Variants in POLR1A observed in about 807,000 individuals in gnomAD.
POLR1A encodes RNA polymerase I subunit A.
POLR1A carries 84 observed loss-of-function variants against 205.3 expected under a neutral mutation model. That is an observed-to-expected ratio of 0.41 (90% CI 0.34 to 0.49). The LOEUF (loss-of-function observed/expected upper bound fraction) is 0.49. POLR1A is among the 20% of genes least tolerant of loss of function. The pLI is 0.22. For synonymous variants in POLR1A, 799 were observed against 863.7 expected (o/e 0.93, Z 1.31); for missense variants, 1,645 against 2,204.5 (o/e 0.75, Z 5.08).
chr2:86,083,545 A>G (rs1042918984), intron 6 of POLR1A, among the ~76,000 whole-genome samples: 2 of 152,176 alleles, frequency 1.3e-5, no homozygotes, highest in African/African-American at 4.8e-5. Flanking sequence ...CCCTTTTAGT[A>G]TCATCTCATC....
In POLR1A at chr2:86,081,052, G is replaced by A. The variant is rs372026918; in HGVS notation, c.924-74C>T. 1.0e-4 allele frequency: 140 copies of A among 1,373,314 alleles called. 1 individual carries two copies. The East Asian group carries it at 1.2e-3, about 12-fold the overall frequency. 85.1% of individuals were successfully genotyped at this position (1,373,314 alleles called of 1,614,324 possible). On this transcript the variant is annotated intron_variant, in intron 8 of 33. Transcript: ENST00000263857. ...TCATGTTCTTCAGCCTCTCACCCAT[G>A]CCTACTGTAGGGAGCACACCCCACC...
intron 1 of POLR1A, among the ~76,000 whole-genome samples, chr2:86,104,828 A>T (rs1673890230): frequency 6.6e-6 from 1 of 152,238 alleles, no homozygotes; most frequent in Non-Finnish European, 1.5e-5. Flanking sequence ...TCAATTAAAG[A>T]TGTACAGACA....
intron 6 of POLR1A, among the ~76,000 whole-genome samples, chr2:86,085,846 A>C (rs977822539): frequency 2.0e-5 from 3 of 152,206 alleles, no homozygotes; most frequent in Admixed American, 1.3e-4. Flanking sequence ...CATAGGAAAA[A>C]GGGATTCAGA....
At position 86,077,807 on chromosome 2, in the gene POLR1A, GCGCGCACACACACA is replaced by G. The variant is rs1456147660; in HGVS notation, c.1380+38_1380+51del. The G allele has an allele frequency of 5.3e-5, 53 of 1,008,448 alleles. 6 individuals are homozygous for G. Among genetic ancestry groups the G allele is most frequent in the Non-Finnish European group, 6.0e-5 (43 of 716,340 alleles). 62.5% of individuals were successfully genotyped at this position (1,008,448 alleles called of 1,614,324 possible). On this transcript the variant is annotated intron_variant, in intron 11 of 33. Transcript: ENST00000263857. Reference sequence around the variant, plus strand: ...GGGAGCAAATGAGCCCTGCACGCGCGCGCGCACACACACACACACACACACACACACACACACAC... The same window carrying G: ...GGGAGCAAATGAGCCCTGCACGCGCGCACACACACACACACACACACACAC...
chr2:86,088,968 G>A (rs1346676507), intron 4 of POLR1A, 98 bp from the exon 5 acceptor site: 21 of 810,732 alleles, frequency 2.6e-5, no homozygotes, highest in South Asian at 8.4e-5. Context: ...TTTAACCAGC[G>A]GAAACACCCC....
chr2:86,049,090 A>G (rs2104395645), intron 17 of POLR1A, 48 bp from the exon 18 acceptor site: 1 of 1,613,274 alleles, frequency 6.2e-7, no homozygotes, highest in Non-Finnish European at 8.5e-7. Context: ...AAACGACGAG[A>G]GTGTGGGTTT....
intron 16 of POLR1A, among the ~76,000 whole-genome samples, chr2:86,051,496 C>T (rs571442211): frequency 1.1e-4 from 17 of 152,340 alleles, no homozygotes; most frequent in South Asian, 8.3e-4. Flanking sequence ...ACAGGCCCTA[C>T]GCTGAGACTC....
intron 12 of POLR1A, among the ~76,000 whole-genome samples, chr2:86,073,059 A>C (rs1383286489): frequency 6.6e-6 from 1 of 152,024 alleles, no homozygotes; most frequent in Non-Finnish European, 1.5e-5. Flanking sequence ...CAGAAAATAC[A>C]CAAACTAGCC....
intron 12 of POLR1A, among the ~76,000 whole-genome samples, chr2:86,074,518 C>A (rs1673243628): frequency 6.6e-6 from 1 of 152,226 alleles, no homozygotes; most frequent in Admixed American, 6.5e-5. Context: ...GTTAATCGAT[C>A]ATGTGCTCCT....
intron 14 of POLR1A, among the ~76,000 whole-genome samples, chr2:86,065,024 C>T (rs1263611216): frequency 6.6e-6 from 1 of 152,104 alleles, no homozygotes; most frequent in East Asian, 1.9e-4. Context: ...ATCTGCCCGC[C>T]TCAGTCTCCT....
intron 12 of POLR1A, 84 bp downstream of exon 12, chr2:86,074,946 A>G: frequency 1.1e-6 from 1 of 949,940 alleles, no homozygotes. Flanking sequence ...GTCAGTGCGC[A>G]CCGGAGCCAC....
chr2:86,077,931 T>C lies in POLR1A; in HGVS notation c.1308A>G (p.Arg436=). ...GLFRKHMMGK[R]VDYAARSVIC... ...TGACTGAGCGCGCAGCGTAGTCCAC[T>C]CGCTTTCCCATCATGTGTTTTCGGA... Residue 436 remains arginine, a synonymous_variant, in exon 11 of 34, where the codon CGA becomes CGG. Transcript: ENST00000263857. 1 of 1,614,054 alleles carries C rather than the reference T, an allele frequency of 6.2e-7. No individual in the cohort carries two copies.
chr2:86,077,390 A>T (rs1009891814), intron 11 of POLR1A, among the ~76,000 whole-genome samples: 1 of 152,082 alleles, frequency 6.6e-6, no homozygotes, highest in African/African-American at 2.4e-5. Flanking sequence ...TCCGGGACTC[A>T]CTCCCTTTCC....
intron 7 of POLR1A, 53 bp downstream of exon 7, chr2:86,083,029 G>A: frequency 7.5e-7 from 1 of 1,328,662 alleles, no homozygotes; most frequent in Non-Finnish European, 1.1e-6. Context: ...AATGAGTCCA[G>A]GAAATAAAAG....
chr2:86,037,169 G>C (rs1672514451), intron 27 of POLR1A: 1 of 152,250 alleles, frequency 6.6e-6, no homozygotes, highest in Non-Finnish European at 1.5e-5. Context: ...CTGGCAGGCG[G>C]GTGCACACAG....
Position 86,032,256 on chromosome 2 carries a change from A to C in POLR1A, c.4272+16T>G. 1 of 1,549,148 alleles carries C rather than the reference A, an allele frequency of 6.5e-7. No individual in the cohort carries two copies. Among genetic ancestry groups the C allele is most frequent in the South Asian group, 1.1e-5 (1 of 89,844 alleles). On this transcript the variant is annotated intron_variant, in intron 29 of 33. Transcript: ENST00000263857. ...GCTGGGACCACAGCTCCTTCACCCC[A>C]CACAGGGTCTCTCACCTCCTCCTCC... is the stretch of plus-strand genomic sequence containing the variant.
intron 21 of POLR1A, 96 bp from the exon 22 acceptor site, chr2:86,044,400 G>A (rs1324918065): frequency 4.4e-6 from 6 of 1,350,320 alleles, no homozygotes; most frequent in Non-Finnish European, 5.2e-6. Flanking sequence ...AGGGAAAGGG[G>A]GGCTCCTGTT....
At position 86,028,756 on chromosome 2, in the gene POLR1A, T is replaced by C. The variant is rs755644135; in HGVS notation, c.4780-45A>G. On this transcript the variant is annotated intron_variant, in intron 31 of 33. Coordinates refer to ENST00000263857, the MANE Select transcript of POLR1A (RefSeq NM_015425.6). The surrounding 1 kb of genome is among the most constrained non-coding windows in gnomAD (Gnocchi z 4.5). ...GATTTATTTAGAGGGCCTGGCCTTC[T>C]GCTCCCTTCTGCCTGCGTATCTCCC... 2 of 1,394,548 alleles carry C rather than the reference T, an allele frequency of 1.4e-6. No homozygotes were observed. Among genetic ancestry groups the C allele is most frequent in the Non-Finnish European group, 2.0e-6 (2 of 982,416 alleles). 86.4% of individuals were successfully genotyped at this position (1,394,548 alleles called of 1,614,324 possible). A position where few individuals can be genotyped will look rare whatever the true frequency, so the allele number is the denominator to read the frequency against.
intron 24 of POLR1A, among the ~76,000 whole-genome samples, chr2:86,040,913 T>C (rs1672588831): frequency 2.0e-5 from 3 of 152,170 alleles, no homozygotes; most frequent in Admixed American, 1.3e-4. Context: ...ATCCATTCTT[T>C]CTTCTCAATT....
Sources: gnomAD v4.1 joint callset for allele counts (sites outside exome capture counted in the v4.1 genomes callset) on GRCh38, gnomAD v4.1.1 for gene constraint, Gnocchi (gnomAD v3.1) non-coding constraint, MANE v1.5 for transcripts, NCBI Gene and HGNC (gene_info 2026-07-23, HGNC 2026-07-21) for gene names.